Variants in HPSE2 observed in about 807,000 individuals in gnomAD.
HPSE2 encodes heparanase 2 (inactive).
Under a neutral mutation model 60.5 loss-of-function variants are expected in HPSE2, and 38 were observed. The observed-to-expected ratio is 0.63, with a 90% CI of 0.48 to 0.82. HPSE2 has a LOEUF of 0.82. HPSE2 is among the 40% of genes least tolerant of loss of function. HPSE2 has a pLI of 0.00. For missense variants in HPSE2, 713 were observed against 740.4 expected (o/e 0.96, Z 0.43); for synonymous variants, 295 against 293.2 (o/e 1.01, Z -0.06).
At chr10:98,842,285 CA>C (rs1348756366) in intron 3 of HPSE2, among the ~76,000 whole-genome samples, 1 of 152,092 alleles carries the variant, frequency 6.6e-6, no homozygotes, top group Non-Finnish European at 1.5e-5. Flanking sequence ...AGTAGGTCTT[CA>C]GAAGATACTA....
Position 98,459,149 on chromosome 10 carries a change from C to A in HPSE2, c.*425G>T. On this transcript the variant is annotated 3_prime_UTR_variant, in exon 12 of 12. Coordinates refer to ENST00000370552, the MANE Select transcript of HPSE2 (RefSeq NM_021828.5). Reference sequence around the variant, plus strand: ...GAGGATGGGTTTTTGTAGGTCCACCCAGTTTTTTTCCTTCCTCATCTTCCT... The same window carrying A: ...GAGGATGGGTTTTTGTAGGTCCACCAAGTTTTTTTCCTTCCTCATCTTCCT... 1 of 245,016 alleles carries A rather than the reference C, an allele frequency of 4.1e-6. No homozygotes were observed. Among genetic ancestry groups the A allele is most frequent in the Non-Finnish European group, 8.1e-6 (1 of 123,866 alleles). The allele number at this position is 245,016 out of a possible 1,614,324, so 15.2% of individuals were successfully genotyped here.
chr10:98,700,375 G>C (rs375486790), intron 5 of HPSE2, among the ~76,000 whole-genome samples: 3 of 135,404 alleles, frequency 2.2e-5, no homozygotes, highest in Admixed American at 1.5e-4. Context: ...ACAAACCTGA[G>C]AAAAACAAGC....
At chr10:99,246,958 A>T in the HPSE2 span, among the ~76,000 whole-genome samples, 1 of 152,012 alleles carries the variant, frequency 6.6e-6, no homozygotes, top group Non-Finnish European at 1.5e-5. Flanking sequence ...TCCCCCAACT[A>T]CCTCACAATC....
chr10:98,512,551 C>G (rs2105106), intron 9 of HPSE2, among the ~76,000 whole-genome samples: 120,993 of 150,650 alleles, frequency 0.8, 50,257 homozygotes, highest in East Asian at 0.96. Flanking sequence ...CACCACTGCA[C>G]TCCAGCCTGG....
intron 2 of HPSE2, among the ~76,000 whole-genome samples, chr10:99,167,113 C>T (rs1847115711): frequency 6.6e-6 from 1 of 152,080 alleles, no homozygotes; most frequent in Non-Finnish European, 1.5e-5. Context: ...CGGATTCAAG[C>T]AATTCTCCTG....
At chr10:98,626,648 AT>A (rs924126437) in intron 7 of HPSE2, among the ~76,000 whole-genome samples, 5 of 151,992 alleles carry the variant, frequency 3.3e-5, no homozygotes, top group African/African-American at 4.8e-5. Context: ...CTGGGAATTG[AT>A]TTTTTTTCCA....
intron 6 of HPSE2, among the ~76,000 whole-genome samples, chr10:98,682,312 A>T (rs7071175): frequency 0.49 from 75,273 of 152,072 alleles, 21,043 homozygotes; most frequent in South Asian, 0.74. Flanking sequence ...AGAAGTGAGC[A>T]GATGCCAGCA....
At chr10:98,971,099 T>C (rs1359318294) in intron 3 of HPSE2, among the ~76,000 whole-genome samples, 3 of 152,216 alleles carry the variant, frequency 2.0e-5, no homozygotes, top group African/African-American at 7.2e-5. Flanking sequence ...AATACAGAAT[T>C]ACTGAAAATA....
the HPSE2 span, among the ~76,000 whole-genome samples, chr10:99,272,741 G>C: frequency 6.6e-6 from 1 of 152,258 alleles, no homozygotes; most frequent in African/African-American, 2.4e-5. Context: ...ACTCCTGCAA[G>C]TGTGGGCATA....
intron 11 of HPSE2, among the ~76,000 whole-genome samples, chr10:98,463,460 T>C (rs952913203): frequency 6.6e-6 from 1 of 152,226 alleles, no homozygotes; most frequent in African/African-American, 2.4e-5. Context: ...TATTTCTCAA[T>C]GAAAATGTAA....
chr10:99,063,617 C>T (rs542572875), intron 3 of HPSE2, among the ~76,000 whole-genome samples: 1 of 152,180 alleles, frequency 6.6e-6, no homozygotes, highest in South Asian at 2.1e-4. Context: ...AATTGTCAAT[C>T]AGAAATATTA....
intron 9 of HPSE2, among the ~76,000 whole-genome samples, chr10:98,547,024 CATT>C (rs1943702989): frequency 1.4e-5 from 2 of 146,976 alleles, no homozygotes; most frequent in Admixed American, 1.4e-4. Context: ...CAAAAGAAGA[CATT>C]TATGCAGCCA....
chr10:98,611,024 A>G (rs1414814950), intron 9 of HPSE2, among the ~76,000 whole-genome samples: 4 of 151,676 alleles, frequency 2.6e-5, no homozygotes, highest in African/African-American at 9.7e-5. Context: ...AACATCGCCT[A>G]CTCCCAAGGG....
At chr10:98,806,630 G>C (rs1951047541) in intron 3 of HPSE2, among the ~76,000 whole-genome samples, 1 of 152,156 alleles carries the variant, frequency 6.6e-6, no homozygotes, top group South Asian at 2.1e-4. Context: ...AAAACTATTA[G>C]AATATATGAT....
chr10:98,501,987 C>T (rs113203098), intron 9 of HPSE2, among the ~76,000 whole-genome samples: 10,465 of 151,004 alleles, frequency 0.069, 417 homozygotes, highest in African/African-American at 0.1. Flanking sequence ...ATATACCTAA[C>T]CAAGGAAGTG....
At chr10:99,163,743 T>A (rs1846943161) in intron 2 of HPSE2, among the ~76,000 whole-genome samples, 2 of 152,274 alleles carry the variant, frequency 1.3e-5, no homozygotes, top group South Asian at 4.2e-4. Context: ...TGAACTGTGA[T>A]AATTTCTTGG....
chr10:99,203,466 G>T (rs1292800854), intron 2 of HPSE2, among the ~76,000 whole-genome samples: 1 of 151,954 alleles, frequency 6.6e-6, no homozygotes, highest in Non-Finnish European at 1.5e-5. Flanking sequence ...TCATGTACCA[G>T]GCCAACAGCT....
intron 3 of HPSE2, among the ~76,000 whole-genome samples, chr10:98,840,629 AG>A (rs1172210805): frequency 6.6e-6 from 1 of 152,222 alleles, no homozygotes; most frequent in Non-Finnish European, 1.5e-5. Context: ...GGAGGGATTC[AG>A]AGATGATTCC....
chr10:98,770,256 C>A, intron 3 of HPSE2, among the ~76,000 whole-genome samples: 1 of 152,150 alleles, frequency 6.6e-6, no homozygotes, highest in East Asian at 1.9e-4. Context: ...TGTACAAATC[C>A]ATTCTGAATA....
Sources: allele counts gnomAD v4.1 joint callset (sites outside exome capture counted in the v4.1 genomes callset), GRCh38; gene constraint gnomAD v4.1.1; transcripts MANE v1.5; gene names NCBI Gene and HGNC (gene_info 2026-07-23, HGNC 2026-07-21).